The following SLC35F1 variants were observed in gnomAD, a reference collection of about 807,000 sequenced individuals.
SLC35F1 encodes chromosome 6 open reading frame 169.
In SLC35F1, 14 loss-of-function variants were observed where a neutral mutation model predicts 48.7. The observed-to-expected ratio is 0.29, with a 90% CI of 0.19 to 0.45. The LOEUF is 0.45. Among genes scored for constraint, SLC35F1 ranks in the 20% least tolerant of loss-of-function variants. The probability of loss-of-function intolerance (pLI) is 1.00; values close to 1 mark genes in which losing one functional copy is unlikely to be tolerated. For missense variants in SLC35F1, 404 were observed against 500.0 expected, an observed-to-expected ratio of 0.81 and a Z score of 1.83; for synonymous variants, 190 against 202.2, an observed-to-expected ratio of 0.94 and a Z score of 0.51.
At chr6:118,218,590 C>G (rs1470828787) in intron 2 of SLC35F1, among the ~76,000 whole-genome samples, 1 of 152,200 alleles carries the variant, frequency 6.6e-6, no homozygotes, top group Non-Finnish European at 1.5e-5. Flanking sequence ...CCTATCTTGA[C>G]TCCTAATTGG....
At chr6:118,088,942 T>G (rs1162111351) in intron 1 of SLC35F1, among the ~76,000 whole-genome samples, 1 of 152,236 alleles carries the variant, frequency 6.6e-6, no homozygotes, top group Non-Finnish European at 1.5e-5. Flanking sequence ...CCCTGTGGAC[T>G]AGCAGCAGCT....
chr6:118,178,840 G>C (rs1460145771), intron 2 of SLC35F1, among the ~76,000 whole-genome samples: 1 of 152,112 alleles, frequency 6.6e-6, no homozygotes, highest in Non-Finnish European at 1.5e-5. Flanking sequence ...TAGCAACTCA[G>C]TCTCTCAAAA....
intron 2 of SLC35F1, among the ~76,000 whole-genome samples, chr6:118,205,392 T>G (rs1248961206): frequency 6.6e-6 from 1 of 152,256 alleles, no homozygotes; most frequent in Non-Finnish European, 1.5e-5. Flanking sequence ...GTCTGGCTTT[T>G]ATGCTACTTT....
intron 1 of SLC35F1, among the ~76,000 whole-genome samples, chr6:118,002,190 T>C (rs1367887397): frequency 2.0e-5 from 3 of 151,452 alleles, no homozygotes; most frequent in Non-Finnish European, 4.4e-5. Context: ...AGCAAAGACT[T>C]GGAACCAACC....
chr6:118,283,194 A>T (rs1776006227), intron 6 of SLC35F1, among the ~76,000 whole-genome samples: 1 of 152,108 alleles, frequency 6.6e-6, no homozygotes. Context: ...CCCTTTCAGG[A>T]ACTTTTCATG....
chr6:118,054,706 T>C (rs764769331), intron 1 of SLC35F1, among the ~76,000 whole-genome samples: 6 of 152,240 alleles, frequency 3.9e-5, no homozygotes, highest in African/African-American at 7.2e-5. Flanking sequence ...TTTAACATGC[T>C]GAAGGCTCTG....
At chr6:118,068,949 A>G (rs1424745582) in intron 1 of SLC35F1, among the ~76,000 whole-genome samples, 1 of 152,198 alleles carries the variant, frequency 6.6e-6, no homozygotes, top group Non-Finnish European at 1.5e-5. Context: ...ATTAAAAGAA[A>G]AATATTTTGT....
At chr6:118,246,416 A>G (rs1437381838) in intron 3 of SLC35F1, among the ~76,000 whole-genome samples, 2 of 152,208 alleles carry the variant, frequency 1.3e-5, no homozygotes, top group Non-Finnish European at 2.9e-5. Flanking sequence ...ATAGATCAGT[A>G]AATGAATTAC....
intron 2 of SLC35F1, among the ~76,000 whole-genome samples, chr6:118,187,911 C>T (rs1774681251): frequency 6.6e-6 from 1 of 152,216 alleles, no homozygotes; most frequent in Admixed American, 6.5e-5. Flanking sequence ...TCCTATTGCC[C>T]AATTCCTCTG....
At chr6:117,957,291 T>C (rs1201203895) in intron 1 of SLC35F1, among the ~76,000 whole-genome samples, 1 of 152,214 alleles carries the variant, frequency 6.6e-6, no homozygotes, top group Non-Finnish European at 1.5e-5. Context: ...TCATTTTCAG[T>C]TTTCAGAGGT....
chr6:118,079,549 C>T (rs981435499), intron 1 of SLC35F1, among the ~76,000 whole-genome samples: 3 of 152,124 alleles, frequency 2.0e-5, no homozygotes, highest in Non-Finnish European at 4.4e-5. Context: ...TAGGGGCTCA[C>T]TTTATATCTA....
chr6:118,206,807 G>A (rs1434007245), intron 2 of SLC35F1, among the ~76,000 whole-genome samples: 4 of 152,136 alleles, frequency 2.6e-5, no homozygotes, highest in Admixed American at 6.5e-5. Context: ...TAGCTGTACT[G>A]TGAGCTGGCA....
chr6:118,109,285 G>C (rs1773366181), intron 1 of SLC35F1, among the ~76,000 whole-genome samples: 1 of 152,168 alleles, frequency 6.6e-6, no homozygotes, highest in Non-Finnish European at 1.5e-5. Flanking sequence ...TTATAATTAT[G>C]CCAGCCCATT....
intron 1 of SLC35F1, among the ~76,000 whole-genome samples, chr6:117,949,411 C>G (rs1221046394): frequency 1.3e-5 from 2 of 152,192 alleles, no homozygotes; most frequent in East Asian, 3.9e-4. Context: ...CACCTGCTGT[C>G]TTCCATCATA....
chr6:118,206,860 G>A (rs1306042537), intron 2 of SLC35F1, among the ~76,000 whole-genome samples: 8 of 152,146 alleles, frequency 5.3e-5, no homozygotes, highest in Non-Finnish European at 1.0e-4. Flanking sequence ...CCCTGCTGAA[G>A]CTCTTAGCAT....
intron 2 of SLC35F1, among the ~76,000 whole-genome samples, chr6:118,166,282 A>G (rs205952): frequency 0.15 from 22,536 of 152,112 alleles, 4,620 homozygotes; most frequent in African/African-American, 0.46. Context: ...GAAGGCCATG[A>G]TATCACAGAT....
At chr6:118,247,056 T>G (rs555401044) in intron 3 of SLC35F1, among the ~76,000 whole-genome samples, 1 of 152,324 alleles carries the variant, frequency 6.6e-6, no homozygotes, top group African/African-American at 2.4e-5. Flanking sequence ...ACTCACATAT[T>G]TTCCACTTCA....
chr6:118,087,777 T>C (rs1380153906), intron 1 of SLC35F1, among the ~76,000 whole-genome samples: 1 of 152,208 alleles, frequency 6.6e-6, no homozygotes, highest in Non-Finnish European at 1.5e-5. Context: ...ACTCTGTCTA[T>C]ATAAGAACAT....
intron 1 of SLC35F1, among the ~76,000 whole-genome samples, chr6:117,956,680 A>C (rs952866624): frequency 6.6e-6 from 1 of 152,178 alleles, no homozygotes; most frequent in Non-Finnish European, 1.5e-5. Context: ...AGGCCATTTT[A>C]AAGTGCCTAC....
Sources: gnomAD v4.1 joint callset for allele counts (sites outside exome capture counted in the v4.1 genomes callset) on GRCh38, gnomAD v4.1.1 for gene constraint, MANE v1.5 for transcripts, NCBI Gene and HGNC (gene_info 2026-07-23, HGNC 2026-07-21) for gene names.